NRXN1: variants seen among roughly 807,000 people sequenced by gnomAD.
NRXN1 encodes neurexin-1.
In NRXN1, 39 loss-of-function variants were observed where a neutral mutation model predicts 150.9. The ratio of observed to expected loss-of-function variants is 0.26; its 90% CI spans 0.20 to 0.34. NRXN1 has a LOEUF of 0.34. Ranked by LOEUF, NRXN1 falls within the 10% of genes least tolerant of loss-of-function variation. NRXN1 has a pLI of 1.00. For missense variants in NRXN1, 1,815 were observed against 1,949.9 expected (o/e 0.93, Z 1.30); for synonymous variants, 924 against 757.0 (o/e 1.22, Z -3.62).
intron 22 of NRXN1, among the ~76,000 whole-genome samples, chr2:49,927,706 C>T (rs2104110871): frequency 6.6e-6 from 1 of 152,144 alleles, no homozygotes; most frequent in South Asian, 2.1e-4. Context: ...ATCCTAATTC[C>T]TGATATAGAA....
intron 19 of NRXN1, among the ~76,000 whole-genome samples, chr2:50,086,348 C>A (rs981144627): frequency 6.6e-6 from 1 of 151,994 alleles, no homozygotes; most frequent in Non-Finnish European, 1.5e-5. Flanking sequence ...CTTCCTGAGC[C>A]CTGAAATATT....
rs1234368419 is a variant in NRXN1 at position 50,711,669 on chromosome 2, A to G, written c.833-88054T>C. On this transcript the variant is annotated intron_variant, in intron 5 of 22. Transcript: ENST00000401669. ...TGGACTTTGAGTATCACTGACTGCT[A>G]TGGTTTTAATATGTCTCCAAAACTC... Among the ~76,000 whole-genome samples, 3 of 151,944 alleles carry G rather than the reference A, an allele frequency of 2.0e-5. 1 individual carries two copies. Among genetic ancestry groups the G allele is most frequent in the Admixed American group, 2.0e-4 (3 of 15,226 alleles).
intron 18 of NRXN1, among the ~76,000 whole-genome samples, chr2:50,130,802 C>A (rs901801631): frequency 6.6e-6 from 1 of 152,258 alleles, no homozygotes; most frequent in Non-Finnish European, 1.5e-5. Flanking sequence ...TGAAGTAGTT[C>A]GGAAATCCTG....
At chr2:50,270,286 A>C (rs184788534) in intron 17 of NRXN1, among the ~76,000 whole-genome samples, 3 of 152,336 alleles carry the variant, frequency 2.0e-5, no homozygotes, top group Admixed American at 6.5e-5. Flanking sequence ...GCGTGGGGAA[A>C]GTAAATTGTG....
chr2:50,083,840 T>C (rs975834118), intron 19 of NRXN1, among the ~76,000 whole-genome samples: 1 of 152,138 alleles, frequency 6.6e-6, no homozygotes, highest in Non-Finnish European at 1.5e-5. Context: ...TTACAAACCC[T>C]GAGCTAGATA....
intron 5 of NRXN1, among the ~76,000 whole-genome samples, chr2:50,668,708 G>C (rs554679733): frequency 4.0e-4 from 61 of 152,050 alleles, no homozygotes; most frequent in African/African-American, 1.4e-3. Flanking sequence ...TAAAAGTTTG[G>C]AACGCATGGA....
chr2:50,555,130 C>A (rs1405901508), intron 8 of NRXN1, among the ~76,000 whole-genome samples: 1 of 151,944 alleles, frequency 6.6e-6, no homozygotes, highest in Non-Finnish European at 1.5e-5. Context: ...TTTCCTTTTT[C>A]CTATTGATTT....
intron 13 of NRXN1, among the ~76,000 whole-genome samples, chr2:50,497,918 C>T (rs551638207): frequency 6.6e-6 from 1 of 152,240 alleles, no homozygotes; most frequent in East Asian, 1.9e-4. Context: ...GTTATAATCC[C>T]TGTCCAAATT....
In NRXN1 at chr2:50,094,840, C is replaced by G. The variant is rs562597344; in HGVS notation, c.3547-3346G>C. 3.9e-5 allele frequency among the ~76,000 whole-genome samples: 6 copies of G among 151,988 alleles called. No homozygotes were observed. In the South Asian group the frequency reaches 1.0e-3, roughly 26 times the overall value. On this transcript the variant is annotated intron_variant, in intron 18 of 22. Transcript: ENST00000401669. ...TGAGGTGGGAATCCTAAATGACCAT[C>G]TGAAGGAAGTGCATTTACTACCTCA...
At chr2:50,169,080 C>T (rs1191567166) in intron 18 of NRXN1, among the ~76,000 whole-genome samples, 2 of 152,182 alleles carry the variant, frequency 1.3e-5, no homozygotes, top group Non-Finnish European at 1.5e-5. Context: ...TGAGCAAGTA[C>T]TCTGGGCTGT....
At chr2:50,876,767 A>G (rs1380134392) in intron 5 of NRXN1, among the ~76,000 whole-genome samples, 1 of 151,874 alleles carries the variant, frequency 6.6e-6, no homozygotes, top group African/African-American at 2.4e-5. Flanking sequence ...AAGCAGTAAC[A>G]TGGTAGAAGA....
At chr2:50,318,877 T>G (rs866345087) in intron 17 of NRXN1, among the ~76,000 whole-genome samples, 60 of 152,244 alleles carry the variant, frequency 3.9e-4, no homozygotes, top group African/African-American at 1.4e-3. Context: ...TTATGTCATG[T>G]GCTGGCCACA....
intron 2 of NRXN1, among the ~76,000 whole-genome samples, chr2:50,990,655 G>C (rs539800062): frequency 1.1e-4 from 17 of 152,036 alleles, no homozygotes; most frequent in Non-Finnish European, 2.2e-4. Flanking sequence ...TTTCCAGTTT[G>C]GGTTTGGGCC....
chr2:49,980,498 G>A (rs1362614343), intron 21 of NRXN1, among the ~76,000 whole-genome samples: 1 of 152,196 alleles, frequency 6.6e-6, no homozygotes, highest in Non-Finnish European at 1.5e-5. Flanking sequence ...AACTGGAGCA[G>A]AGAATAGCTT....
chr2:50,520,262 T>C (rs1335649970), intron 12 of NRXN1, among the ~76,000 whole-genome samples: 1 of 151,964 alleles, frequency 6.6e-6, no homozygotes, highest in Non-Finnish European at 1.5e-5. Context: ...TTCATTCTAT[T>C]TTGAGAGTCA....
chr2:50,690,691 T>A (rs1056324432), intron 5 of NRXN1, among the ~76,000 whole-genome samples: 2 of 152,192 alleles, frequency 1.3e-5, no homozygotes, highest in African/African-American at 2.4e-5. Flanking sequence ...AGCACTCTTA[T>A]CCTAAGTGTC....
intron 18 of NRXN1, among the ~76,000 whole-genome samples, chr2:50,191,624 A>T (rs1385698176): frequency 6.6e-6 from 1 of 152,152 alleles, no homozygotes; most frequent in African/African-American, 2.4e-5. Flanking sequence ...TCAATAATCT[A>T]TTCTCCATCT....
At chr2:50,829,646 G>A in intron 5 of NRXN1, 2 of 1,611,864 alleles carry the variant, frequency 1.2e-6, no homozygotes, top group East Asian at 2.2e-5. Context: ...TAGCCAGGTT[G>A]GTACGGGACG....
chr2:50,295,703 G>C (rs1482858646), intron 17 of NRXN1, among the ~76,000 whole-genome samples: 2 of 152,062 alleles, frequency 1.3e-5, no homozygotes, highest in Non-Finnish European at 2.9e-5. Context: ...TGATTTCTAA[G>C]GCAATCTGAC....
Sources: allele counts gnomAD v4.1 joint callset (sites outside exome capture counted in the v4.1 genomes callset), GRCh38; gene constraint gnomAD v4.1.1; transcripts MANE v1.5; gene names NCBI Gene and HGNC (gene_info 2026-07-23, HGNC 2026-07-21).